The following PPP1R9A variants were observed in gnomAD, a reference collection of about 807,000 sequenced individuals.
PPP1R9A encodes neurabin-1.
In PPP1R9A, 59 loss-of-function variants were observed where a neutral mutation model predicts 141.9. The ratio of observed to expected loss-of-function variants is 0.42; its 90% CI spans 0.34 to 0.52. PPP1R9A has a LOEUF of 0.52. Among genes scored for constraint, PPP1R9A ranks in the 20% least tolerant of loss-of-function variants. The pLI, the probability that PPP1R9A is intolerant of heterozygous loss-of-function variation, is 0.10. For synonymous variants in PPP1R9A, 500 were observed against 569.7 expected (o/e 0.88, Z 1.74); for missense variants, 1,444 against 1,611.9 (o/e 0.90, Z 1.78).
intron 7 of PPP1R9A, among the ~76,000 whole-genome samples, chr7:95,207,225 A>G (rs13229820): frequency 0.41 from 62,484 of 151,788 alleles, 13,252 homozygotes; most frequent in South Asian, 0.51. Context: ...GAGGGAGGAA[A>G]AGAAAAAAAA....
At chr7:95,228,613 G>C (rs913307265) in intron 8 of PPP1R9A, among the ~76,000 whole-genome samples, 1 of 152,170 alleles carries the variant, frequency 6.6e-6, no homozygotes, top group Admixed American at 6.5e-5. Context: ...GAGCTAAGTC[G>C]CATCATTCCA....
At chr7:95,128,110 G>C (rs1050571028) in intron 4 of PPP1R9A, among the ~76,000 whole-genome samples, 3 of 152,206 alleles carry the variant, frequency 2.0e-5, no homozygotes, top group African/African-American at 7.2e-5. Context: ...CACAGTGACT[G>C]AACTAATTTG....
chr7:95,159,080 G>T (rs940189015), intron 4 of PPP1R9A, among the ~76,000 whole-genome samples: 3 of 152,190 alleles, frequency 2.0e-5, no homozygotes, highest in Non-Finnish European at 2.9e-5. Context: ...AAGGAGGCAT[G>T]TATGAAGTTG....
rs568790076 is a variant in PPP1R9A, at chr7:94,924,766, G to A, written c.1395+13258G>A. On this transcript the variant is annotated intron_variant, in intron 2 of 19. Coordinates refer to ENST00000433360, the MANE Select transcript of PPP1R9A (RefSeq NM_001166160.2). ...GCTGGTCTCAAACTCCTGACCTCAG[G>A]TGATCTACCCACCTCGGCCTCCCAA... Among the ~76,000 whole-genome samples, 5 of 152,170 alleles carry A rather than the reference G, an allele frequency of 3.3e-5. No homozygotes were observed. In the South Asian group the frequency reaches 6.2e-4, roughly 19 times the overall value.
rs150074353 is a variant in PPP1R9A, at chr7:94,933,302, G to A, written c.1395+21794G>A. On this transcript the variant is annotated intron_variant, in intron 2 of 19. Transcript: ENST00000433360. ...TTAAATAAGGCCTGCTACTTCTCTG[G>A]AAAGTCAGAAATACAACCAAGGTGA... Among the ~76,000 whole-genome samples, 255 of 152,224 alleles carry A rather than the reference G, an allele frequency of 1.7e-3. 3 individuals carry two copies. Among genetic ancestry groups the A allele is most frequent in the African/African-American group, 5.4e-3 (225 of 41,568 alleles).
Position 95,290,369 on chromosome 7 carries a change from T to A in PPP1R9A, c.*66T>A. On this transcript the variant is annotated 3_prime_UTR_variant, in exon 20 of 20. Coordinates refer to ENST00000433360, the MANE Select transcript of PPP1R9A (RefSeq NM_001166160.2). ...GTCCCCACCTCTTCCTGCCCTGCTC[T>A]CCTCCAGAGGATGAAAAAGAAACTA... 1.4e-6 allele frequency: 2 copies of A among 1,474,646 alleles called. No homozygotes were observed. The highest frequency in any genetic ancestry group is 2.6e-5 in the South Asian group (2 of 76,874). 91.3% of individuals were successfully genotyped at this position (1,474,646 alleles called of 1,614,324 possible).
At chr7:95,150,235 A>G (rs1828412960) in intron 4 of PPP1R9A, among the ~76,000 whole-genome samples, 2 of 152,122 alleles carry the variant, frequency 1.3e-5, no homozygotes, top group Admixed American at 6.6e-5. Context: ...ACCTAAATGT[A>G]AAATGCAAAA....
intron 4 of PPP1R9A, among the ~76,000 whole-genome samples, chr7:95,123,132 T>C (rs1476596939): frequency 1.3e-5 from 2 of 152,214 alleles, no homozygotes; most frequent in Non-Finnish European, 2.9e-5. Context: ...ATATTTATTT[T>C]TCCTTCAATC....
At chr7:95,006,924 G>A (rs1270796045) in intron 2 of PPP1R9A, among the ~76,000 whole-genome samples, 1 of 150,964 alleles carries the variant, frequency 6.6e-6, no homozygotes, top group East Asian at 2.0e-4. Flanking sequence ...GTGCAATGCT[G>A]CGATCTTGGC....
intron 2 of PPP1R9A, among the ~76,000 whole-genome samples, chr7:94,913,065 AG>A (rs1791649550): frequency 6.6e-6 from 1 of 152,216 alleles, no homozygotes; most frequent in East Asian, 1.9e-4. Flanking sequence ...TGAGAAAGGC[AG>A]GAATAACTGA....
chr7:95,048,151 A>C (rs1438140960), intron 2 of PPP1R9A, among the ~76,000 whole-genome samples: 1 of 152,202 alleles, frequency 6.6e-6, no homozygotes, highest in African/African-American at 2.4e-5. Context: ...TATAGTACAA[A>C]TGTTGATATT....
chr7:95,132,382 T>C (rs1297089735), intron 4 of PPP1R9A, among the ~76,000 whole-genome samples: 1 of 152,162 alleles, frequency 6.6e-6, no homozygotes, highest in Non-Finnish European at 1.5e-5. Context: ...TTTCTTGAGG[T>C]TTTCATCATG....
intron 2 of PPP1R9A, among the ~76,000 whole-genome samples, chr7:95,027,857 A>G (rs1807108726): frequency 6.6e-6 from 1 of 152,094 alleles, no homozygotes; most frequent in Non-Finnish European, 1.5e-5. Context: ...ATCTTATGGG[A>G]CCACCCTCAT....
intron 2 of PPP1R9A, among the ~76,000 whole-genome samples, chr7:94,944,767 AAAG>A (rs1795718555): frequency 6.6e-6 from 1 of 152,080 alleles, no homozygotes; most frequent in Admixed American, 6.6e-5. Flanking sequence ...GTACTTCTGA[AAAG>A]AAGATTTTGA....
intron 2 of PPP1R9A, among the ~76,000 whole-genome samples, chr7:95,058,824 C>G (rs1314759573): frequency 1.3e-5 from 2 of 151,714 alleles, no homozygotes; most frequent in Non-Finnish European, 2.9e-5. Context: ...AAGTCTCGCT[C>G]TGTTACCCAG....
At chr7:94,963,833 A>G (rs1197336715) in intron 2 of PPP1R9A, among the ~76,000 whole-genome samples, 1 of 152,044 alleles carries the variant, frequency 6.6e-6, no homozygotes, top group Non-Finnish European at 1.5e-5. Flanking sequence ...ACAATAAGTG[A>G]TGCACATAGG....
At chr7:95,178,534 C>G (rs554851503) in intron 5 of PPP1R9A, among the ~76,000 whole-genome samples, 108 of 151,684 alleles carry the variant, frequency 7.1e-4, no homozygotes, top group African/African-American at 2.5e-3. Flanking sequence ...TAACCAAGAT[C>G]AGAGCAGAAC....
chr7:95,263,874 G>A (rs541096563), intron 12 of PPP1R9A, among the ~76,000 whole-genome samples: 2 of 152,192 alleles, frequency 1.3e-5, no homozygotes, highest in South Asian at 2.1e-4. Flanking sequence ...GATATTTATT[G>A]AGTGCTTATT....
intron 2 of PPP1R9A, among the ~76,000 whole-genome samples, chr7:94,934,773 G>T (rs1794567489): frequency 7.6e-6 from 1 of 131,554 alleles, no homozygotes; most frequent in African/African-American, 2.6e-5. Context: ...GTATATATTT[G>T]ATGTTAAAAG....
Sources: gnomAD v4.1 joint callset for allele counts (sites outside exome capture counted in the v4.1 genomes callset) on GRCh38, gnomAD v4.1.1 for gene constraint, MANE v1.5 for transcripts, NCBI Gene and HGNC (gene_info 2026-07-23, HGNC 2026-07-21) for gene names.